Variants in CALN1 observed in about 807,000 individuals in gnomAD.
CALN1 encodes the protein calcium-binding protein 8.
CALN1 carries 17 observed loss-of-function variants against 30.6 expected under a neutral mutation model. The ratio of observed to expected loss-of-function variants is 0.56; its 90% CI spans 0.38 to 0.83. The LOEUF is 0.83. Among genes scored for constraint, CALN1 ranks in the 40% least tolerant of loss-of-function variants. The pLI is 0.00. For synonymous variants in CALN1, 156 were observed against 131.4 expected, an observed-to-expected ratio of 1.19 and a Z score of -1.28; for missense variants, 291 against 354.9, an observed-to-expected ratio of 0.82 and a Z score of 1.45.
chr7:71,967,102 A>C (rs57300068), intron 5 of CALN1, among the ~76,000 whole-genome samples: 8,954 of 152,284 alleles, frequency 0.059, 354 homozygotes, highest in Admixed American at 0.12. Flanking sequence ...ACAGTTCAAA[A>C]TGGAAACAAC....
intron 5 of CALN1, among the ~76,000 whole-genome samples, chr7:71,881,920 A>T (rs1252613020): frequency 6.6e-6 from 1 of 151,828 alleles, no homozygotes; most frequent in African/African-American, 2.4e-5. Flanking sequence ...AAAAAAAAAA[A>T]AAATTAGCCA....
At chr7:71,962,825 C>G (rs1797315210) in intron 5 of CALN1, among the ~76,000 whole-genome samples, 1 of 151,386 alleles carries the variant, frequency 6.6e-6, no homozygotes, top group African/African-American at 2.4e-5. Flanking sequence ...ATTGCCAGGC[C>G]AAAAAGAAAA....
chr7:72,376,677 G>T (rs1804576618), intron 2 of CALN1, among the ~76,000 whole-genome samples: 1 of 151,996 alleles, frequency 6.6e-6, no homozygotes, highest in African/African-American at 2.4e-5. Flanking sequence ...CTTTCTTGAT[G>T]GTGTCATTTG....
intron 3 of CALN1, among the ~76,000 whole-genome samples, chr7:72,183,178 C>T (rs985373049): frequency 3.3e-5 from 5 of 152,114 alleles, no homozygotes; most frequent in Non-Finnish European, 7.4e-5. Context: ...ATTTTCATGC[C>T]TCAGTCTCCC....
intron 3 of CALN1, among the ~76,000 whole-genome samples, chr7:72,211,669 TATC>T (rs1792405297): frequency 6.6e-6 from 1 of 152,180 alleles, no homozygotes; most frequent in Non-Finnish European, 1.5e-5. Flanking sequence ...CGCTGCAAAA[TATC>T]ATTGCATGTG....
At chr7:72,358,054 C>A (rs762614756) in intron 2 of CALN1, among the ~76,000 whole-genome samples, 1 of 151,580 alleles carries the variant, frequency 6.6e-6, no homozygotes, top group Non-Finnish European at 1.5e-5. Flanking sequence ...TGCAATGATG[C>A]AATCATAACT....
chr7:72,257,959 C>G (rs1377639320), intron 3 of CALN1, among the ~76,000 whole-genome samples: 3 of 151,720 alleles, frequency 2.0e-5, no homozygotes, highest in Non-Finnish European at 2.9e-5. Flanking sequence ...TCTGGGGACT[C>G]GAGGGGGAAG....
chr7:71,879,519 G>A (rs1170755522), intron 5 of CALN1, among the ~76,000 whole-genome samples: 1 of 152,206 alleles, frequency 6.6e-6, no homozygotes, highest in Admixed American at 6.5e-5. Context: ...CAGAGATTGT[G>A]GGGTTTCTGA....
At chr7:72,002,395 A>C (rs1453525230) in intron 5 of CALN1, among the ~76,000 whole-genome samples, 1 of 152,194 alleles carries the variant, frequency 6.6e-6, no homozygotes, top group East Asian at 1.9e-4. Context: ...ATAATTTATT[A>C]AATACTATAC....
At chr7:72,343,547 A>G (rs1585544618) in intron 2 of CALN1, among the ~76,000 whole-genome samples, 1 of 22,318 alleles carries the variant, frequency 4.5e-5, no homozygotes, top group South Asian at 1.4e-3. Flanking sequence ...ATTCTGTCTC[A>G]AAAAAAAAAA....
intron 3 of CALN1, among the ~76,000 whole-genome samples, chr7:72,197,781 A>G (rs1385052748): frequency 2.6e-5 from 4 of 152,220 alleles, no homozygotes; most frequent in African/African-American, 9.6e-5. Flanking sequence ...ACTTGAGCCC[A>G]GGAGTTCAGC....
intron 2 of CALN1, among the ~76,000 whole-genome samples, chr7:72,311,399 G>C (rs1003027921): frequency 9.9e-5 from 15 of 152,132 alleles, no homozygotes; most frequent in African/African-American, 3.6e-4. Context: ...GGAGTCAAAA[G>C]TTATGTGAAT....
chr7:71,893,770 C>T (rs1273381161), intron 5 of CALN1, among the ~76,000 whole-genome samples: 2 of 151,818 alleles, frequency 1.3e-5, no homozygotes, highest in Admixed American at 6.6e-5. Context: ...AAGAAAATGC[C>T]GTGAGATGAA....
chr7:71,983,360 A>G (rs1798498251), intron 5 of CALN1, among the ~76,000 whole-genome samples: 1 of 152,196 alleles, frequency 6.6e-6, no homozygotes, highest in African/African-American at 2.4e-5. Flanking sequence ...CTCAACAGGT[A>G]AAGAATGCAA....
chr7:71,935,784 A>AT (rs1488817124), intron 5 of CALN1, among the ~76,000 whole-genome samples: 1 of 152,122 alleles, frequency 6.6e-6, no homozygotes, highest in African/African-American at 2.4e-5. Context: ...ACTGCTTTTC[A>AT]TTTTCCATCT....
At chr7:72,397,712 TCTCACACACACACA>T (rs1282574083) in intron 2 of CALN1, among the ~76,000 whole-genome samples, 6 of 70,290 alleles carry the variant, frequency 8.5e-5, no homozygotes, top group Admixed American at 4.9e-4. Context: ...ACCCATTCTC[TCTCACACACACACA>T]CACACACACA....
intron 2 of CALN1, among the ~76,000 whole-genome samples, chr7:72,367,728 A>G (rs1803958317): frequency 6.7e-6 from 1 of 149,960 alleles, no homozygotes; most frequent in Non-Finnish European, 1.5e-5. Flanking sequence ...CCAGCTATTC[A>G]GGAAGCTGAG....
At chr7:72,029,266 C>T (rs1801286001) in intron 4 of CALN1, among the ~76,000 whole-genome samples, 1 of 151,962 alleles carries the variant, frequency 6.6e-6, no homozygotes, top group Admixed American at 6.6e-5. Flanking sequence ...AGCCCACCAC[C>T]ACACCCAGCG....
chr7:72,290,075 G>A (rs1798370266), intron 2 of CALN1, among the ~76,000 whole-genome samples: 1 of 77,162 alleles, frequency 1.3e-5, no homozygotes, highest in African/African-American at 5.7e-5. Context: ...ACGAGACCCT[G>A]TCTTAAAAAA....
Sources: allele counts gnomAD v4.1 joint callset (sites outside exome capture counted in the v4.1 genomes callset), GRCh38; gene constraint gnomAD v4.1.1; transcripts MANE v1.5; gene names NCBI Gene and HGNC (gene_info 2026-07-23, HGNC 2026-07-21).